Variants in ARHGAP24 observed in about 807,000 individuals in gnomAD.
The protein encoded by ARHGAP24 is rho GTPase-activating protein 24.
Under a neutral mutation model 76.4 loss-of-function variants are expected in ARHGAP24, and 50 were observed. The ratio of observed to expected loss-of-function variants is 0.65; its 90% CI spans 0.52 to 0.83. ARHGAP24 has a LOEUF of 0.83. Ranked by LOEUF, ARHGAP24 falls within the 40% of genes least tolerant of loss-of-function variation. ARHGAP24 has a pLI of 0.00. For missense variants in ARHGAP24, 930 were observed against 914.2 expected, an observed-to-expected ratio of 1.02 and a Z score of -0.22; for synonymous variants, 345 against 323.3, an observed-to-expected ratio of 1.07 and a Z score of -0.72.
intron 3 of ARHGAP24, among the ~76,000 whole-genome samples, chr4:85,876,030 A>C (rs1578332374): frequency 6.6e-6 from 1 of 152,118 alleles, no homozygotes; most frequent in African/African-American, 2.4e-5. Context: ...GGCTTGAGCC[A>C]CTGCACTCAG....
At chr4:85,601,304 A>G (rs1012619316) in intron 2 of ARHGAP24, among the ~76,000 whole-genome samples, 7 of 152,354 alleles carry the variant, frequency 4.6e-5, no homozygotes, top group Middle Eastern at 3.4e-3. Context: ...TGAATGAATG[A>G]ACAAACACTT....
chr4:85,711,111 C>CT (rs1317893790), intron 2 of ARHGAP24, among the ~76,000 whole-genome samples: 1 of 152,068 alleles, frequency 6.6e-6, no homozygotes, highest in Non-Finnish European at 1.5e-5. Context: ...ATGGATGGAG[C>CT]TGGAGATCAT....
intron 2 of ARHGAP24, among the ~76,000 whole-genome samples, chr4:85,719,648 A>G (rs1202746184): frequency 6.6e-6 from 1 of 152,232 alleles, no homozygotes; most frequent in African/African-American, 2.4e-5. Context: ...CATTATGTTA[A>G]CAGTTCCCAT....
At chr4:85,528,773 C>T (rs1378192155) in intron 1 of ARHGAP24, among the ~76,000 whole-genome samples, 6 of 152,060 alleles carry the variant, frequency 3.9e-5, no homozygotes, top group Non-Finnish European at 5.9e-5. Context: ...ACTATCTCCA[C>T]GTCATGTCCT....
At chr4:85,829,853 A>G (rs1269310254) in intron 3 of ARHGAP24, among the ~76,000 whole-genome samples, 2 of 152,230 alleles carry the variant, frequency 1.3e-5, no homozygotes, top group Non-Finnish European at 2.9e-5. Flanking sequence ...AAAGTAAGTC[A>G]CCTATTTGAT....
chr4:85,875,842 A>G (rs906184872), intron 3 of ARHGAP24, among the ~76,000 whole-genome samples: 2 of 150,944 alleles, frequency 1.3e-5, no homozygotes, highest in Non-Finnish European at 2.9e-5. Context: ...CCCGGGTTCA[A>G]GCAATTTTCC....
chr4:85,974,832 T>A, intron 6 of ARHGAP24, 56 bp from the exon 7 acceptor site: 1 of 1,550,108 alleles, frequency 6.5e-7, no homozygotes, highest in Middle Eastern at 1.7e-4. Context: ...TCGACTTGCT[T>A]TAATTCTAAG....
At chr4:85,878,374 T>C (rs1190404154) in intron 3 of ARHGAP24, among the ~76,000 whole-genome samples, 1 of 152,194 alleles carries the variant, frequency 6.6e-6, no homozygotes, top group African/African-American at 2.4e-5. Flanking sequence ...ATGTAGCCAC[T>C]ACAGTAGTGC....
intron 3 of ARHGAP24, among the ~76,000 whole-genome samples, chr4:85,756,159 C>T (rs1726486313): frequency 6.6e-6 from 1 of 151,856 alleles, no homozygotes; most frequent in East Asian, 1.9e-4. Flanking sequence ...CAATAGATTA[C>T]AACAGATGAT....
At chr4:85,674,922 G>A (rs530267271) in intron 2 of ARHGAP24, among the ~76,000 whole-genome samples, 20 of 152,326 alleles carry the variant, frequency 1.3e-4, no homozygotes, top group African/African-American at 3.1e-4. Flanking sequence ...ACAAATGTAC[G>A]TCTAGCCAAT....
At chr4:85,856,632 C>T (rs13123763) in intron 3 of ARHGAP24, among the ~76,000 whole-genome samples, 21,801 of 151,570 alleles carry the variant, frequency 0.14, 1,707 homozygotes, top group African/African-American at 0.21. Context: ...CACCACATCC[C>T]GCTAATTTTT....
chr4:85,946,737 G>A (rs1300017520), intron 5 of ARHGAP24, among the ~76,000 whole-genome samples: 2 of 152,068 alleles, frequency 1.3e-5, no homozygotes, highest in Non-Finnish European at 1.5e-5. Context: ...ACCATCGATG[G>A]CCACTTGGGT....
chr4:85,769,188 G>T (rs536309049), intron 3 of ARHGAP24, among the ~76,000 whole-genome samples: 2 of 152,332 alleles, frequency 1.3e-5, no homozygotes, highest in African/African-American at 4.8e-5. Flanking sequence ...TTCACATGTG[G>T]TTATTTCCTA....
At position 85,891,991 on chromosome 4, in the gene ARHGAP24, G is replaced by T. The variant is rs1414521383; in HGVS notation, c.269-31657G>T. On this transcript the variant is annotated intron_variant, in intron 3 of 9. Transcript: ENST00000395184. ...TTCGGCTGTGAATCCATCTGGTCCT[G>T]GACTCTTTTTGGTTGGTAAACTATT... Among the ~76,000 whole-genome samples, 12 of 2,286 alleles carry T rather than the reference G, an allele frequency of 5.2e-3. 2 individuals carry two copies. The highest frequency in any genetic ancestry group is 0.031 in the East Asian group (5 of 162). 1.5% of individuals were successfully genotyped at this position (2,286 alleles called of 152,430 possible). A position where few individuals can be genotyped will look rare whatever the true frequency, so the allele number is the denominator to read the frequency against.
chr4:85,836,639 G>T (rs1730306095), intron 3 of ARHGAP24, among the ~76,000 whole-genome samples: 1 of 152,156 alleles, frequency 6.6e-6, no homozygotes, highest in Non-Finnish European at 1.5e-5. Flanking sequence ...GATACTGGAG[G>T]TTAGGACTTC....
At chr4:85,731,019 CACACACACAGAG>C (rs1443899323) in intron 3 of ARHGAP24, among the ~76,000 whole-genome samples, 31 of 133,806 alleles carry the variant, frequency 2.3e-4, no homozygotes, top group African/African-American at 7.9e-4. Flanking sequence ...CACACACACA[CACACACACAGAG>C]AGAGAGACTG....
At chr4:85,842,994 C>A (rs1730691015) in intron 3 of ARHGAP24, among the ~76,000 whole-genome samples, 1 of 152,156 alleles carries the variant, frequency 6.6e-6, no homozygotes, top group African/African-American at 2.4e-5. Flanking sequence ...GCAGTCAGGC[C>A]ATACTATTTA....
chr4:85,658,703 T>C (rs928598292), intron 2 of ARHGAP24, among the ~76,000 whole-genome samples: 2 of 152,218 alleles, frequency 1.3e-5, no homozygotes, highest in Admixed American at 1.3e-4. Flanking sequence ...GTCATGAATA[T>C]GGACCATGGG....
chr4:85,977,750 G>C, intron 8 of ARHGAP24, 59 bp downstream of exon 8: 1 of 1,591,078 alleles, frequency 6.3e-7, no homozygotes, highest in Non-Finnish European at 8.6e-7. Context: ...CTCTTGACTG[G>C]CCAGAATCTA....
Sources: gnomAD v4.1 joint callset for allele counts (sites outside exome capture counted in the v4.1 genomes callset) on GRCh38, gnomAD v4.1.1 for gene constraint, MANE v1.5 for transcripts, NCBI Gene and HGNC (gene_info 2026-07-23, HGNC 2026-07-21) for gene names.